The following FBXO33 variants were observed in gnomAD, a reference collection of about 807,000 sequenced individuals.
The protein encoded by FBXO33 is F-box protein 33.
Under a neutral mutation model 46.3 loss-of-function variants are expected in FBXO33, and 22 were observed. The ratio of observed to expected loss-of-function variants is 0.48; its 90% CI spans 0.34 to 0.68. The LOEUF (loss-of-function observed/expected upper bound fraction) is 0.68, where lower values mean the gene tolerates loss of function less well. Among genes scored for constraint, FBXO33 ranks in the 30% least tolerant of loss-of-function variants. The pLI is 0.01. For synonymous variants in FBXO33, 337 were observed against 291.3 expected (o/e 1.16, Z -1.60); for missense variants, 692 against 708.8 (o/e 0.98, Z 0.27).
Position 39,432,078 on chromosome 14 carries a change from GCCGCCA to G in FBXO33, c.79_84del (p.Trp27_Arg28del). The G allele has an allele frequency of 8.1e-6, 10 of 1,241,790 alleles. No homozygotes were observed. Among genetic ancestry groups the G allele is most frequent in the Non-Finnish European group, 1.0e-5 (10 of 995,170 alleles). 76.9% of individuals were successfully genotyped at this position (1,241,790 alleles called of 1,614,324 possible). A position where few individuals can be genotyped will look rare whatever the true frequency, so the allele number is the denominator to read the frequency against. On this transcript the variant is annotated inframe_deletion, in exon 1 of 4. Transcript: ENST00000298097. Reference sequence around the variant, plus strand: ...CGTCGCAGCTGCTGCAGCCGCAGCCGCCGCCACCGCGCCACCCGGGCGGCCCCGGCT... The same window carrying G: ...CGTCGCAGCTGCTGCAGCCGCAGCCGCCGCGCCACCCGGGCGGCCCCGGCT...
rs7158282 is a variant in FBXO33, at chr14:39,402,538, T to C, written c.600-27A>G. 142,982 of 1,202,618 alleles carry C rather than the reference T, an allele frequency of 0.12. 10,687 individuals are homozygous for C. Among genetic ancestry groups the C allele is most frequent in the African/African-American group, 0.34 (21,208 of 63,208 alleles). 74.5% of individuals were successfully genotyped at this position (1,202,618 alleles called of 1,614,324 possible). ...TACAAGAACAATCATTTAAAATGATTTGCTAAATAATTTATACTTAAAAAA... is the reference window on the plus strand; with the variant it reads ...TACAAGAACAATCATTTAAAATGATCTGCTAAATAATTTATACTTAAAAAA... On this transcript the variant is annotated intron_variant, in intron 1 of 3. Coordinates refer to ENST00000298097, the MANE Select transcript of FBXO33 (RefSeq NM_203301.4).
chr14:39,408,674 AT>A (rs5808028), intron 1 of FBXO33, among the ~76,000 whole-genome samples: 41,294 of 140,012 alleles, frequency 0.29, 7,040 homozygotes, highest in Non-Finnish European at 0.4. Flanking sequence ...CACCATGCCT[AT>A]TTTTTTTTTT....
At chr14:39,426,171 T>C (rs1332725412) in intron 1 of FBXO33, among the ~76,000 whole-genome samples, 2 of 152,014 alleles carry the variant, frequency 1.3e-5, no homozygotes, top group African/African-American at 4.8e-5. Flanking sequence ...ATATTTATTT[T>C]TTTAACATGC....
intron 1 of FBXO33, among the ~76,000 whole-genome samples, chr14:39,413,758 T>C (rs1367632240): frequency 6.6e-6 from 1 of 152,224 alleles, no homozygotes; most frequent in African/African-American, 2.4e-5. Context: ...AGTGACCATG[T>C]ACATTGTCGA....
At chr14:39,412,821 T>G (rs1437192178) in intron 1 of FBXO33, among the ~76,000 whole-genome samples, 5 of 152,280 alleles carry the variant, frequency 3.3e-5, no homozygotes, top group Admixed American at 3.3e-4. Context: ...TGTAGTTTAT[T>G]AAGTGTGCAA....
At chr14:39,430,848 A>G (rs530122429) in intron 1 of FBXO33, among the ~76,000 whole-genome samples, 2 of 152,238 alleles carry the variant, frequency 1.3e-5, no homozygotes, top group African/African-American at 4.8e-5. Context: ...CCTGATGCAA[A>G]ACCAGAACAG....
intron 1 of FBXO33, among the ~76,000 whole-genome samples, chr14:39,409,862 T>C (rs1270134854): frequency 1.3e-5 from 2 of 152,240 alleles, no homozygotes; most frequent in Non-Finnish European, 2.9e-5. Flanking sequence ...GTTGAATATA[T>C]AGAACTGCAA....
Position 39,401,387 on chromosome 14 carries a change from C to G in FBXO33, c.1185G>C (p.Glu395Asp). The change falls in exon 3 of 4, where the codon GAG (glutamate) becomes GAC (aspartate). Residue 395 changes from glutamate to aspartate, a missense_variant. Glu to Asp is a conservative substitution (Grantham distance 45). Coordinates refer to ENST00000298097, the MANE Select transcript of FBXO33 (RefSeq NM_203301.4). ...TGATATAGCTATCAAAATGAATCCT[C>G]TCTAGTGGTATACTGGGTTTCAGAA... Reference protein sequence around the residue: ...LKILKPSIPLERIHFDSYITC... With the variant: ...LKILKPSIPLDRIHFDSYITC... 1 of 1,614,172 alleles carries G rather than the reference C, an allele frequency of 6.2e-7. No homozygotes were observed. Among genetic ancestry groups the G allele is most frequent in the South Asian group, 1.1e-5 (1 of 91,086 alleles).
chr14:39,425,062 G>T (rs1018374967), intron 1 of FBXO33, among the ~76,000 whole-genome samples: 2 of 151,920 alleles, frequency 1.3e-5, no homozygotes, highest in Non-Finnish European at 2.9e-5. Context: ...AAAAAAAAAA[G>T]TTTATTAAAA....
chr14:39,405,875 C>T (rs965459172), intron 1 of FBXO33, among the ~76,000 whole-genome samples: 6 of 98,180 alleles, frequency 6.1e-5, no homozygotes, highest in Admixed American at 1.0e-4. Context: ...TTTTTCTTGA[C>T]CTTTAAAAAG....
At chr14:39,418,579 T>A (rs1253842674) in intron 1 of FBXO33, among the ~76,000 whole-genome samples, 6 of 150,070 alleles carry the variant, frequency 4.0e-5, no homozygotes, top group Admixed American at 4.0e-4. Flanking sequence ...ATTGAGACCA[T>A]CCTGGCTAAC....
At position 39,431,989 on chromosome 14, in the gene FBXO33, C is replaced by T. The variant is rs2075560275; in HGVS notation, c.174G>A (p.Arg58=). 3.5e-6 allele frequency: 5 copies of T among 1,441,240 alleles called. No individual in the cohort carries two copies. The highest frequency in any genetic ancestry group is 4.5e-6 in the Non-Finnish European group (5 of 1,110,516). 89.3% of individuals were successfully genotyped at this position (1,441,240 alleles called of 1,614,324 possible). A position where few individuals can be genotyped will look rare whatever the true frequency, so the allele number is the denominator to read the frequency against. ...CCGCCGCCTGCCCGCACAGAGCCAT[C>T]CGGCCCCGCCGCCGGCTGCCGGCTC... ...RPGAGSRRRG[R]MALCGQAAGA... Residue 58 remains arginine (R), a synonymous_variant, in exon 1 of 4, where the codon CGG becomes CGA. Transcript: ENST00000298097.
rs141935811 is a variant in FBXO33 at position 39,402,044 on chromosome 14, G to A, written c.711-183C>T. Among the ~76,000 whole-genome samples the A allele has an allele frequency of 3.2e-4, 49 of 152,124 alleles. No homozygotes were observed. The East Asian group carries it at 8.9e-3, about 28-fold the overall frequency. ...TTCACATTAAAATATAATGAATAAG[G>A]TATATTAAACATAAAGATCTATTAA... On this transcript the variant is annotated intron_variant, in intron 2 of 3. Coordinates refer to ENST00000298097, the MANE Select transcript of FBXO33 (RefSeq NM_203301.4).
intron 1 of FBXO33, among the ~76,000 whole-genome samples, chr14:39,425,479 C>A (rs2075508236): frequency 6.6e-6 from 1 of 152,096 alleles, no homozygotes; most frequent in Admixed American, 6.5e-5. Flanking sequence ...TTTTCCAATG[C>A]CATAAAAGAG....
intron 3 of FBXO33, 119 bp from the exon 4 acceptor site, chr14:39,399,906 C>T (rs1057506644): frequency 1.0e-5 from 12 of 1,153,424 alleles, no homozygotes; most frequent in Middle Eastern, 2.2e-4. Context: ...TCTCACTTAC[C>T]GTTTTGGTCT....
intron 1 of FBXO33, among the ~76,000 whole-genome samples, chr14:39,412,331 T>C (rs897100598): frequency 1.3e-5 from 2 of 152,242 alleles, no homozygotes; most frequent in Admixed American, 1.3e-4. Context: ...GTGTCAGTTT[T>C]TGACTTAAAG....
intron 1 of FBXO33, among the ~76,000 whole-genome samples, chr14:39,425,703 T>C (rs2075509482): frequency 6.6e-6 from 1 of 152,176 alleles, no homozygotes; most frequent in Non-Finnish European, 1.5e-5. Context: ...ACACAAATAG[T>C]TTAGAGATGT....
chr14:39,403,411 C>T (rs1000175848), intron 1 of FBXO33, among the ~76,000 whole-genome samples: 1 of 152,160 alleles, frequency 6.6e-6, no homozygotes, highest in African/African-American at 2.4e-5. Context: ...GCCTGGCCAA[C>T]ATGGCAAGAC....
At chr14:39,416,283 T>C (rs1196079619) in intron 1 of FBXO33, among the ~76,000 whole-genome samples, 2 of 151,956 alleles carry the variant, frequency 1.3e-5, no homozygotes, top group East Asian at 3.9e-4. Flanking sequence ...TTTCAGCGCT[T>C]ATCTCACTTA....
Sources: allele counts gnomAD v4.1 joint callset (sites outside exome capture counted in the v4.1 genomes callset), GRCh38; gene constraint gnomAD v4.1.1; transcripts MANE v1.5; gene names NCBI Gene and HGNC (gene_info 2026-07-23, HGNC 2026-07-21).